PLCL2: variants seen among roughly 807,000 people sequenced by gnomAD.
The protein encoded by PLCL2 is inactive phospholipase C-like protein 2.
In PLCL2, 4 loss-of-function variants were observed where a neutral mutation model predicts 79.6. The observed-to-expected ratio is 0.05, with a 90% CI of 0.02 to 0.11. PLCL2 has a LOEUF of 0.11. PLCL2 is among the 10% of genes least tolerant of loss of function. PLCL2 has a pLI of 1.00. For synonymous variants in PLCL2, 484 were observed against 457.7 expected, an observed-to-expected ratio of 1.06 and a Z score of -0.73; for missense variants, 895 against 1,291.0, an observed-to-expected ratio of 0.69 and a Z score of 4.70.
rs1053200516 is a variant in PLCL2, at chr3:17,090,504, T to C, written c.*592T>C. 2.0e-5 allele frequency: 3 copies of C among 152,976 alleles called. No homozygotes were observed. In the Admixed American group the frequency reaches 2.0e-4, roughly 10 times the overall value. 9.5% of individuals were successfully genotyped at this position (152,976 alleles called of 1,614,324 possible). Reference sequence around the variant, plus strand: ...TGCCGAGTCAGCACATGGGTAGAGATGATGTAAAAGCAGCCAATCTGGAAA... The same window carrying C: ...TGCCGAGTCAGCACATGGGTAGAGACGATGTAAAAGCAGCCAATCTGGAAA... On this transcript the variant is annotated 3_prime_UTR_variant, in exon 6 of 6. Coordinates refer to ENST00000615277, the MANE Select transcript of PLCL2 (RefSeq NM_001144382.2).
chr3:17,023,926 CTTA>C (rs1162275083), intron 3 of PLCL2, among the ~76,000 whole-genome samples: 1 of 152,156 alleles, frequency 6.6e-6, no homozygotes, highest in Non-Finnish European at 1.5e-5. Flanking sequence ...AAAGAAATAA[CTTA>C]TTGACACCAT....
chr3:17,037,148 A>G (rs4353792), intron 3 of PLCL2, among the ~76,000 whole-genome samples: 88,080 of 151,990 alleles, frequency 0.58, 25,808 homozygotes, highest in South Asian at 0.65. Context: ...GATCACATTT[A>G]CTGTTCTGTA....
intron 3 of PLCL2, among the ~76,000 whole-genome samples, chr3:17,041,316 C>T (rs1391624365): frequency 1.3e-5 from 2 of 152,150 alleles, no homozygotes; most frequent in East Asian, 3.8e-4. Context: ...GGGTTGTATC[C>T]TGTAGGTCAG....
At chr3:16,914,586 T>C (rs1391869014) in intron 1 of PLCL2, among the ~76,000 whole-genome samples, 2 of 151,948 alleles carry the variant, frequency 1.3e-5, no homozygotes, top group Non-Finnish European at 2.9e-5. Context: ...TCTATCTTTT[T>C]GCGTAGATTT....
intron 1 of PLCL2, among the ~76,000 whole-genome samples, chr3:16,979,826 A>C (rs1575567244): frequency 6.7e-6 from 1 of 149,518 alleles, no homozygotes; most frequent in Non-Finnish European, 1.5e-5. Flanking sequence ...CATTGTCATC[A>C]TGGCCCGTTC....
intron 5 of PLCL2, among the ~76,000 whole-genome samples, chr3:17,073,150 A>G (rs2065076618): frequency 6.6e-6 from 1 of 152,222 alleles, no homozygotes; most frequent in African/African-American, 2.4e-5. Context: ...AATTTTGAGC[A>G]CAAAATCCTA....
chr3:16,890,120 T>C (rs1696312790), intron 1 of PLCL2, among the ~76,000 whole-genome samples: 1 of 152,240 alleles, frequency 6.6e-6, no homozygotes, highest in South Asian at 2.1e-4. Flanking sequence ...TGTTTTAGCC[T>C]GCTCAAAGAG....
chr3:17,033,740 ACTC>A (rs2064611044), intron 3 of PLCL2, among the ~76,000 whole-genome samples: 1 of 151,984 alleles, frequency 6.6e-6, no homozygotes, highest in Admixed American at 6.6e-5. Flanking sequence ...ACAAGCTGCA[ACTC>A]CTCCAACACC....
intron 1 of PLCL2, among the ~76,000 whole-genome samples, chr3:16,981,645 T>C (rs1434751561): frequency 2.0e-5 from 3 of 152,266 alleles, no homozygotes; most frequent in Non-Finnish European, 4.4e-5. Context: ...ATTTAATTAC[T>C]AACTTTCACA....
At chr3:17,027,716 G>A (rs144197426) in intron 3 of PLCL2, among the ~76,000 whole-genome samples, 202 of 152,092 alleles carry the variant, frequency 1.3e-3, no homozygotes, top group African/African-American at 4.7e-3. Flanking sequence ...ATAAGAATGG[G>A]ATTCTAATCG....
In PLCL2 at chr3:17,008,546, C is replaced by T. The variant is rs186578307; in HGVS notation, c.328-1128C>T. Among the ~76,000 whole-genome samples the T allele has an allele frequency of 4.9e-3, 743 of 152,110 alleles. 6 individuals carry two copies. The highest frequency in any genetic ancestry group is 7.9e-3 in the Non-Finnish European group (540 of 67,982). The stretch of plus-strand genomic sequence containing the variant: ...GGGCACCAGCCCCAGGGAGCTGGTT[C>T]CATGGGCCTAGCAATCTGCATTGTA... On this transcript the variant is annotated intron_variant, in intron 1 of 5. Coordinates refer to ENST00000615277, the MANE Select transcript of PLCL2 (RefSeq NM_001144382.2).
At chr3:17,005,495 G>A (rs914981820) in intron 1 of PLCL2, among the ~76,000 whole-genome samples, 4 of 152,156 alleles carry the variant, frequency 2.6e-5, no homozygotes, top group Admixed American at 2.0e-4. Flanking sequence ...ATTAAATAAA[G>A]TAGGCAGTTA....
chr3:16,976,700 T>G (rs1175201727), intron 1 of PLCL2, among the ~76,000 whole-genome samples: 1 of 152,174 alleles, frequency 6.6e-6, no homozygotes, highest in Non-Finnish European at 1.5e-5. Flanking sequence ...AAAGGGTCAT[T>G]AGGTAATCAT....
chr3:17,059,831 A>G (rs116751518), intron 4 of PLCL2, among the ~76,000 whole-genome samples: 3,215 of 152,300 alleles, frequency 0.021, 56 homozygotes, highest in South Asian at 0.044. Flanking sequence ...CCATATGACT[A>G]CATTATCTGT....
rs756305456 is a variant in PLCL2 at position 17,068,041 on chromosome 3, T to C, written c.3180T>C (p.Phe1060=). ...AACTACAAAAAGCAGTGGAGAGCTT[T>C]ACCTGGAATATTACCATCTTAAAGG... The part of the protein sequence containing the change: ...ERKLQKAVES[F]TWNITILKGQ... The change falls in exon 5 of 6, where the codon TTT becomes TTC. Residue 1060 remains phenylalanine (F), a synonymous_variant. Coordinates refer to ENST00000615277, the MANE Select transcript of PLCL2 (RefSeq NM_001144382.2). 1.2e-6 allele frequency: 2 copies of C among 1,602,284 alleles called. No homozygotes were observed.
intron 3 of PLCL2, among the ~76,000 whole-genome samples, chr3:17,031,306 A>G (rs142884980): frequency 0.011 from 1,643 of 152,302 alleles, 30 homozygotes; most frequent in Admixed American, 0.046. Context: ...CTAGAGAGTA[A>G]GCCAGCAAAG....
At chr3:17,086,912 C>T (rs1324031242) in intron 5 of PLCL2, among the ~76,000 whole-genome samples, 1 of 152,214 alleles carries the variant, frequency 6.6e-6, no homozygotes, top group Non-Finnish European at 1.5e-5. Flanking sequence ...ATTAGCATCA[C>T]ATGTCACTAG....
intron 5 of PLCL2, among the ~76,000 whole-genome samples, chr3:17,078,858 T>C (rs550557285): frequency 1.3e-5 from 2 of 152,328 alleles, no homozygotes; most frequent in East Asian, 3.9e-4. Context: ...GGTAGTATAG[T>C]ATGTTGTCTC....
Position 16,966,800 on chromosome 3 carries a change from A to C in PLCL2, c.328-42874A>C, listed in dbSNP as rs182975728. ...TTTCTTCTAGATTTTCTAGTTTGCAAATGATTTTTTTTACTTTTATTTTAA... is the reference window on the plus strand; with the variant it reads ...TTTCTTCTAGATTTTCTAGTTTGCACATGATTTTTTTTACTTTTATTTTAA... On this transcript the variant is annotated intron_variant, in intron 1 of 5. Coordinates refer to ENST00000615277, the MANE Select transcript of PLCL2 (RefSeq NM_001144382.2). 7.2e-3 allele frequency among the ~76,000 whole-genome samples: 1,088 copies of C among 151,794 alleles called. 15 individuals carry two copies. Among genetic ancestry groups the C allele is most frequent in the South Asian group, 0.041 (197 of 4,814 alleles).
Sources: allele counts gnomAD v4.1 joint callset (sites outside exome capture counted in the v4.1 genomes callset), GRCh38; gene constraint gnomAD v4.1.1; transcripts MANE v1.5; gene names NCBI Gene and HGNC (gene_info 2026-07-23, HGNC 2026-07-21).